FGF11: variants seen among roughly 807,000 people sequenced by gnomAD.
FGF11 encodes the protein fibroblast growth factor homologous factor 3.
Under a neutral mutation model 25.1 loss-of-function variants are expected in FGF11, and 25 were observed. The observed-to-expected ratio is 1.00, with a 90% CI of 0.73 to 1.39. The LOEUF (loss-of-function observed/expected upper bound fraction) is 1.39, where lower values mean the gene tolerates loss of function less well. Ranked by LOEUF, FGF11 falls within the 40% of genes most tolerant of loss-of-function variation. The pLI is 0.00. For synonymous variants in FGF11, 130 were observed against 128.9 expected, an observed-to-expected ratio of 1.01 and a Z score of -0.06; for missense variants, 320 against 311.0, an observed-to-expected ratio of 1.03 and a Z score of -0.22.
In FGF11 at chr17:7,440,923, G is replaced by A; in HGVS notation, c.194-548G>A. 1 of 992,066 alleles carries A rather than the reference G, an allele frequency of 1.0e-6. No homozygotes were observed. The highest frequency in any genetic ancestry group is 1.2e-6 in the Non-Finnish European group (1 of 833,680). The allele number at this position is 992,066 out of a possible 1,614,324, so 61.5% of individuals were successfully genotyped here. On this transcript the variant is annotated intron_variant, in intron 1 of 4. Coordinates refer to ENST00000293829, the MANE Select transcript of FGF11 (RefSeq NM_004112.4). The surrounding 1 kb of genome is among the most constrained non-coding windows in gnomAD (Gnocchi z 5.4). ...CAGCGGACTGACAGACAGACAGACAGACAGACAGATGGGTCAGTGTCAGAC... is the reference window on the plus strand; with the variant it reads ...CAGCGGACTGACAGACAGACAGACAAACAGACAGATGGGTCAGTGTCAGAC...
At chr17:7,438,688 G>C (rs1194475061), upstream of FGF11, among the ~76,000 whole-genome samples, 3 of 152,122 alleles carry the variant, frequency 2.0e-5, no homozygotes, top group African/African-American at 7.2e-5. Context: ...TCTCTTGGGG[G>C]GCTGGTTAGA....
intron 1 of FGF11, chr17:7,441,197 T>G: frequency 2.8e-6 from 1 of 352,364 alleles, no homozygotes; most frequent in Non-Finnish European, 5.4e-6. Flanking sequence ...TTCCCCCTTC[T>G]GGTTGAGCTG....
At chr17:7,439,336 A>C, upstream of FGF11, 3 of 312,894 alleles carry the variant, frequency 9.6e-6, no homozygotes, top group Admixed American at 5.0e-5. Flanking sequence ...GAGGAGGGAA[A>C]GGGGACGTTT....
chr17:7,443,051 G>A, intron 4 of FGF11, 25 bp from the exon 5 acceptor site: 1 of 1,585,004 alleles, frequency 6.3e-7, no homozygotes. Context: ...CTCCTTCCCT[G>A]CTCCTCTCTT....
chr17:7,441,483 A>C lies in FGF11; in HGVS notation c.206A>C (p.Lys69Thr). 1 of 1,614,128 alleles carries C rather than the reference A, an allele frequency of 6.2e-7. No homozygotes were observed. The highest frequency in any genetic ancestry group is 1.1e-5 in the South Asian group (1 of 91,088). Residue 69 changes from lysine to threonine, a missense_variant, in exon 2 of 5, where the codon AAA becomes ACA. Coordinates refer to ENST00000293829, the MANE Select transcript of FGF11 (RefSeq NM_004112.4). ...RPDRGPEPQL[K>T]GIVTKLFCRQ... ...TCTCTCTCTCCAGAGCCTCAGCTCA[A>C]AGGCATCGTCACCAAACTGTTCTGC...
In FGF11 at chr17:7,440,535, C is replaced by T. The variant is rs1404588434; in HGVS notation, c.193+722C>T. The T allele has an allele frequency of 2.1e-6, 1 of 465,992 alleles. No individual in the cohort carries two copies. The highest frequency in any genetic ancestry group is 2.8e-6 in the Non-Finnish European group (1 of 355,258). 28.9% of individuals were successfully genotyped at this position (465,992 alleles called of 1,614,324 possible). A position where few individuals can be genotyped will look rare whatever the true frequency, so the allele number is the denominator to read the frequency against. ...GGCGCCGACTCGGGGGTCGTACCAC[C>T]TACAAGGGGGGACAGGGAAGTCGGC... On this transcript the variant is annotated intron_variant, in intron 1 of 4. Transcript: ENST00000293829. The surrounding 1 kb of genome is among the most constrained non-coding windows in gnomAD (Gnocchi z 5.4).
At position 7,439,561 on chromosome 17, in the gene FGF11, G is replaced by T; in HGVS notation, c.-60G>T. The T allele has an allele frequency of 2.3e-6, 3 of 1,324,740 alleles. No individual in the cohort carries two copies. The highest frequency in any genetic ancestry group is 1.9e-6 in the Non-Finnish European group (2 of 1,026,128). 82.1% of individuals were successfully genotyped at this position (1,324,740 alleles called of 1,614,324 possible). On this transcript the variant is annotated 5_prime_UTR_variant, in exon 1 of 5. Transcript: ENST00000293829. ...CATGCCCTAGTGAGCGGGCTCCTCT[G>T]GGGGAGCCCAGCGCGCTCCGGGCGC...
chr17:7,442,131 C>A (rs1333649690), intron 3 of FGF11: 14 of 434,938 alleles, frequency 3.2e-5, no homozygotes, highest in Non-Finnish European at 5.3e-5. Context: ...CCTTTTAGGG[C>A]CCCTACTTCT....
chr17:7,441,884 G>C lies in FGF11; in HGVS notation c.408+5G>C. On this transcript the variant is annotated splice_donor_5th_base_variant and intron_variant, in intron 3 of 4. Coordinates refer to ENST00000293829, the MANE Select transcript of FGF11 (RefSeq NM_004112.4). ...GAGGGACTGCTCTACAGTTCGGTGAGACAATGAGGCTGAGTGGCCGGGAAA... is the reference window on the plus strand; with the variant it reads ...GAGGGACTGCTCTACAGTTCGGTGACACAATGAGGCTGAGTGGCCGGGAAA... 1 of 1,584,880 alleles carries C rather than the reference G, an allele frequency of 6.3e-7. No individual in the cohort carries two copies. The highest frequency in any genetic ancestry group is 8.6e-7 in the Non-Finnish European group (1 of 1,166,910).
upstream of FGF11, chr17:7,438,390 G>A (rs538436780): frequency 3.9e-5 from 6 of 154,390 alleles, no homozygotes; most frequent in African/African-American, 1.4e-4. Context: ...GGGGAGCTCT[G>A]CAGAGACACC....
chr17:7,438,411 C>T (rs1908156281), upstream of FGF11: 1 of 153,506 alleles, frequency 6.5e-6, no homozygotes, highest in African/African-American at 2.4e-5. Flanking sequence ...CTCACTCCTT[C>T]CCGAGGGTCC....
At position 7,442,675 on chromosome 17, in the gene FGF11, C is replaced by G; in HGVS notation, c.490C>G (p.Gln164Glu). Residue 164 changes from glutamine to glutamate, a missense_variant, in exon 4 of 5, where the codon CAG (glutamine) becomes GAG (glutamate). Physicochemically the swap from Gln to Glu is conservative, Grantham distance 29. Transcript: ENST00000293829. ...YVLYASALYRQRRSGRAWYLG... is the reference protein window; with the variant it reads ...YVLYASALYRERRSGRAWYLG... ...CCTGTACGCCTCTGCTCTCTACCGC[C>G]AGCGTCGTTCTGGCCGGGCCTGGTA... The G allele has an allele frequency of 6.2e-7, 1 of 1,614,218 alleles. No individual in the cohort carries two copies. Among genetic ancestry groups the G allele is most frequent in the Non-Finnish European group, 8.5e-7 (1 of 1,180,042 alleles).
chr17:7,440,014 G>C lies in FGF11; in HGVS notation c.193+201G>C, dbSNP rs1357318174. ...TAACCCGGAGTCTCCTTATTTTCGAGGTCAAGGGGAAGGCTTGAGGGGCTG... is the reference window on the plus strand; with the variant it reads ...TAACCCGGAGTCTCCTTATTTTCGACGTCAAGGGGAAGGCTTGAGGGGCTG... On this transcript the variant is annotated intron_variant, in intron 1 of 4. Transcript: ENST00000293829. The surrounding 1 kb of genome is among the most constrained non-coding windows in gnomAD (Gnocchi z 5.4). 2 of 436,182 alleles carry C rather than the reference G, an allele frequency of 4.6e-6. No homozygotes were observed. The highest frequency in any genetic ancestry group is 8.8e-5 in the Admixed American group (2 of 22,800). The allele number at this position is 436,182 out of a possible 1,614,324, so 27.0% of individuals were successfully genotyped here. A position where few individuals can be genotyped will look rare whatever the true frequency, so the allele number is the denominator to read the frequency against.
At chr17:7,442,457 G>T in intron 3 of FGF11, 137 bp from the exon 4 acceptor site, 2 of 1,519,140 alleles carry the variant, frequency 1.3e-6, no homozygotes, top group Non-Finnish European at 1.8e-6. Context: ...TTTGCTCCCA[G>T]GTCCTACATG....
intron 3 of FGF11, chr17:7,442,205 G>C (rs1196079428): frequency 2.9e-6 from 1 of 346,842 alleles, no homozygotes; most frequent in Admixed American, 4.5e-5. Context: ...ATAGGGGATA[G>C]TGAGAGACTG....
rs374336597 is a variant in FGF11, at chr17:7,441,510, G to A, written c.233G>A (p.Arg78His). Residue 78 changes from arginine to histidine, a missense_variant, in exon 2 of 5, where the codon CGC becomes CAC. Transcript: ENST00000293829. ...GGCATCGTCACCAAACTGTTCTGCC[G>A]CCAGGGTTTCTACCTCCAGGCGAAT... ...LKGIVTKLFC[R>H]QGFYLQANPD... is the part of the protein sequence containing the mutation. The A allele has an allele frequency of 1.7e-5, 27 of 1,613,968 alleles. No homozygotes were observed. The highest frequency in any genetic ancestry group is 2.2e-5 in the Non-Finnish European group (26 of 1,180,034).
In FGF11 at chr17:7,443,152, A is replaced by C; in HGVS notation, c.*6A>C. ...CCAGTCCCCCTGCCCCCTGAAATGTAGTCCCTGGACTGGAGGTTCCCTGCA... is the reference window on the plus strand; with the variant it reads ...CCAGTCCCCCTGCCCCCTGAAATGTCGTCCCTGGACTGGAGGTTCCCTGCA... On this transcript the variant is annotated 3_prime_UTR_variant, in exon 5 of 5. Coordinates refer to ENST00000293829, the MANE Select transcript of FGF11 (RefSeq NM_004112.4). The C allele has an allele frequency of 6.3e-7, 1 of 1,578,402 alleles. No homozygotes were observed. Among genetic ancestry groups the C allele is most frequent in the South Asian group, 1.1e-5 (1 of 89,386 alleles).
At position 7,442,711 on chromosome 17, in the gene FGF11, G is replaced by T; in HGVS notation, c.526G>T (p.Asp176Tyr). ...RSGRAWYLGL[D>Y]KEGQVMKGNR... ...TGGCCGGGCCTGGTACCTCGGCCTG[G>T]ACAAGGAGGGCCAGGTCATGAAGGG... is the stretch of plus-strand genomic sequence containing the variant. The change falls in exon 4 of 5, where the codon GAC (aspartate) becomes TAC (tyrosine). Residue 176 changes from aspartate to tyrosine, a missense_variant. By Grantham distance (160) the Asp-to-Tyr change is radical. Transcript: ENST00000293829. The T allele has an allele frequency of 6.2e-7, 1 of 1,614,158 alleles. No homozygotes were observed.
Position 7,441,488 on chromosome 17 carries a change from A to G in FGF11, c.211A>G (p.Ile71Val), listed in dbSNP as rs778322970. Reference protein sequence around the residue: ...DRGPEPQLKGIVTKLFCRQGF... With the variant: ...DRGPEPQLKGVVTKLFCRQGF... ...CTCTCCAGAGCCTCAGCTCAAAGGC[A>G]TCGTCACCAAACTGTTCTGCCGCCA... The change falls in exon 2 of 5, where the codon ATC becomes GTC. Residue 71 changes from isoleucine to valine, a missense_variant. Coordinates refer to ENST00000293829, the MANE Select transcript of FGF11 (RefSeq NM_004112.4). 2 of 1,614,040 alleles carry G rather than the reference A, an allele frequency of 1.2e-6. No homozygotes were observed. Among genetic ancestry groups the G allele is most frequent in the East Asian group, 2.2e-5 (1 of 44,894 alleles).
Sources: allele counts gnomAD v4.1 joint callset (sites outside exome capture counted in the v4.1 genomes callset), GRCh38; gene constraint gnomAD v4.1.1; non-coding constraint Gnocchi (gnomAD v3.1); transcripts MANE v1.5; gene names NCBI Gene and HGNC (gene_info 2026-07-23, HGNC 2026-07-21).